RALGAPA1: variants seen among roughly 807,000 people sequenced by gnomAD.
RALGAPA1 encodes ral GTPase-activating protein subunit alpha-1.
Under a neutral mutation model 269.6 loss-of-function variants are expected in RALGAPA1, and 52 were observed. The ratio of observed to expected loss-of-function variants is 0.19; its 90% CI spans 0.15 to 0.24. The LOEUF is 0.24. Among genes scored for constraint, RALGAPA1 ranks in the 10% least tolerant of loss-of-function variants. The pLI is 1.00. For synonymous variants in RALGAPA1, 817 were observed against 1,008.3 expected (o/e 0.81, Z 3.60); for missense variants, 1,917 against 3,013.9 (o/e 0.64, Z 8.52).
chr14:35,546,454 GTAATAA>G (rs10622401), intron 41 of RALGAPA1, among the ~76,000 whole-genome samples: 2 of 149,880 alleles, frequency 1.3e-5, no homozygotes, highest in African/African-American at 2.4e-5. Flanking sequence ...AATTTAAAGT[GTAATAA>G]TAATAATAAT....
chr14:35,692,130 C>G (rs182545205), intron 17 of RALGAPA1, among the ~76,000 whole-genome samples: 1 of 152,172 alleles, frequency 6.6e-6, no homozygotes, highest in Admixed American at 6.5e-5. Flanking sequence ...TTATATTCAG[C>G]ATGCACTCTA....
intron 31 of RALGAPA1, among the ~76,000 whole-genome samples, chr14:35,642,523 C>T (rs956657926): frequency 1.3e-5 from 2 of 152,040 alleles, no homozygotes; most frequent in African/African-American, 4.8e-5. Context: ...CATATGAACA[C>T]ATATGAACTT....
rs113417010 is a variant in RALGAPA1 at position 35,643,237 on chromosome 14, C to T, written c.5677-7639G>A. Among the ~76,000 whole-genome samples the T allele has an allele frequency of 4.3e-4, 66 of 152,010 alleles. 1 individual carries two copies. The highest frequency in any genetic ancestry group is 1.1e-3 in the African/African-American group (46 of 41,466). On this transcript the variant is annotated intron_variant, in intron 31 of 41. Transcript: ENST00000680220. ...TAGGAAATATACCTAATGTAAATGA[C>T]GAGTTAATGGGTGCAGCACACTAAC...
intron 26 of RALGAPA1, among the ~76,000 whole-genome samples, chr14:35,668,769 C>T (rs149106707): frequency 5.3e-5 from 8 of 152,228 alleles, no homozygotes; most frequent in African/African-American, 1.7e-4. Context: ...TGTGCCACTG[C>T]ACTCCAATCT....
intron 1 of RALGAPA1, among the ~76,000 whole-genome samples, chr14:35,799,839 G>A (rs1276718306): frequency 6.6e-6 from 1 of 152,044 alleles, no homozygotes; most frequent in East Asian, 1.9e-4. Flanking sequence ...ACCATATGCT[G>A]CCAACAATAT....
chr14:35,588,027 C>T (rs750379532), intron 37 of RALGAPA1, among the ~76,000 whole-genome samples: 3 of 152,206 alleles, frequency 2.0e-5, no homozygotes, highest in Admixed American at 2.0e-4. Flanking sequence ...CTGCCTCAGC[C>T]TCCCGAGTAG....
Position 35,561,516 on chromosome 14 carries a change from T to G in RALGAPA1, c.7496+9101A>C, listed in dbSNP as rs893129510. On this transcript the variant is annotated intron_variant, in intron 39 of 41. Transcript: ENST00000680220. ...GTCTTTAATATAGGAGTTTTTTTTT[T>G]TTTTTTTTTTTTTTTTGAGACAGAG... is the stretch of plus-strand genomic sequence containing the variant. 5.7e-5 allele frequency among the ~76,000 whole-genome samples: 8 copies of G among 140,676 alleles called. No homozygotes were observed. The East Asian group carries it at 6.2e-4, about 11-fold the overall frequency. The allele number at this position is 140,676 out of a possible 152,430, so 92.3% of individuals were successfully genotyped here. A position where few individuals can be genotyped will look rare whatever the true frequency, so the allele number is the denominator to read the frequency against.
chr14:35,790,175 C>T (rs1053608138), intron 1 of RALGAPA1, among the ~76,000 whole-genome samples: 7 of 151,962 alleles, frequency 4.6e-5, no homozygotes, highest in African/African-American at 1.7e-4. Context: ...ATAGCTTGAA[C>T]CCTGGAGGCA....
intron 1 of RALGAPA1, among the ~76,000 whole-genome samples, chr14:35,805,281 A>G (rs1358648269): frequency 1.3e-5 from 2 of 151,484 alleles, no homozygotes; most frequent in Non-Finnish European, 2.9e-5. Context: ...AAGAAAAAAA[A>G]AAAAGAAAAA....
chr14:35,624,303 T>C (rs771780327), intron 35 of RALGAPA1, among the ~76,000 whole-genome samples: 2 of 151,314 alleles, frequency 1.3e-5, no homozygotes, highest in Non-Finnish European at 2.9e-5. Flanking sequence ...TTTAAGATCA[T>C]TTTGAGAAAA....
chr14:35,556,890 CA>C (rs1156288984), intron 39 of RALGAPA1, among the ~76,000 whole-genome samples: 2 of 152,080 alleles, frequency 1.3e-5, no homozygotes, highest in African/African-American at 4.8e-5. Context: ...GCTCATAAAT[CA>C]GTCAATTACT....
chr14:35,769,768 T>A (rs1386990750), intron 4 of RALGAPA1, among the ~76,000 whole-genome samples: 1 of 152,192 alleles, frequency 6.6e-6, no homozygotes, highest in African/African-American at 2.4e-5. Flanking sequence ...CTCAGAGAGA[T>A]ATATAAAATC....
intron 2 of RALGAPA1, among the ~76,000 whole-genome samples, chr14:35,775,318 GA>G (rs2074937808): frequency 6.6e-6 from 1 of 152,078 alleles, no homozygotes. Context: ...CTCTGAAAAT[GA>G]AAATATGAAA....
chr14:35,786,511 G>C (rs538580487), intron 1 of RALGAPA1, among the ~76,000 whole-genome samples: 1 of 151,518 alleles, frequency 6.6e-6, no homozygotes, highest in African/African-American at 2.4e-5. Context: ...GCTGGCAGGC[G>C]CCTGTAGTCC....
chr14:35,699,767 A>C (rs868097367), intron 17 of RALGAPA1, among the ~76,000 whole-genome samples: 30 of 152,264 alleles, frequency 2.0e-4, no homozygotes, highest in African/African-American at 6.5e-4. Context: ...ATTATTAGTC[A>C]AAACAATGGG....
chr14:35,567,313 A>G (rs2056792939), intron 39 of RALGAPA1, among the ~76,000 whole-genome samples: 1 of 152,122 alleles, frequency 6.6e-6, no homozygotes, highest in Admixed American at 6.5e-5. Flanking sequence ...TAAAAATCCA[A>G]TTAGGCAATT....
chr14:35,705,254 T>A (rs1464708237), intron 16 of RALGAPA1, among the ~76,000 whole-genome samples: 2 of 152,202 alleles, frequency 1.3e-5, no homozygotes, highest in Non-Finnish European at 1.5e-5. Context: ...GACACATATA[T>A]ACCATTACAA....
At chr14:35,674,023 C>T (rs149744945) in intron 24 of RALGAPA1, among the ~76,000 whole-genome samples, 157 bp downstream of exon 24, 19 of 152,256 alleles carry the variant, frequency 1.2e-4, no homozygotes, top group African/African-American at 4.3e-4. Flanking sequence ...TTTTAGTATG[C>T]ACATTCTCTT....
intron 33 of RALGAPA1, among the ~76,000 whole-genome samples, chr14:35,630,291 TG>T (rs1020315017): frequency 6.6e-6 from 1 of 151,538 alleles, no homozygotes; most frequent in African/African-American, 2.4e-5. Context: ...GCTTATTTAC[TG>T]GTTTTTTTTT....
Sources: allele counts gnomAD v4.1 joint callset (sites outside exome capture counted in the v4.1 genomes callset), GRCh38; gene constraint gnomAD v4.1.1; transcripts MANE v1.5; gene names NCBI Gene and HGNC (gene_info 2026-07-23, HGNC 2026-07-21).